The following CHLSN variants were observed in gnomAD, a reference collection of about 807,000 sequenced individuals.
The protein encoded by CHLSN is protein cholesin.
At chr7:1,132,694 T>TAAAAAAAA in the CHLSN span, among the ~76,000 whole-genome samples, 1 of 107,002 alleles carries the variant, frequency 9.3e-6, no homozygotes, top group African/African-American at 3.9e-5. Flanking sequence ...AACCTGTCTT[T>TAAAAAAAA]AAAAAAAAAA....
the CHLSN span, among the ~76,000 whole-genome samples, chr7:1,037,542 C>T: frequency 9.6e-5 from 14 of 145,470 alleles, no homozygotes; most frequent in Admixed American, 9.6e-4. Context: ...CTCGTTCACT[C>T]AGTGCTCAAT....
the CHLSN span, among the ~76,000 whole-genome samples, chr7:1,019,211 ACGGG>A: frequency 6.9e-5 from 3 of 43,706 alleles, no homozygotes; most frequent in South Asian, 1.3e-3. Context: ...AAAAAAAAAA[ACGGG>A]GGGGGGGGAG....
the CHLSN span, among the ~76,000 whole-genome samples, chr7:1,015,590 C>G: frequency 4.6e-5 from 7 of 152,314 alleles, no homozygotes; most frequent in Admixed American, 2.6e-4. Context: ...AGTGGGGAGA[C>G]CCAGGGCTGA....
chr7:1,026,955 C>T, the CHLSN span: 1 of 152,236 alleles, frequency 6.6e-6, no homozygotes, highest in African/African-American at 2.4e-5. Context: ...ACTATGTTCT[C>T]ATCTCAGAGG....
the CHLSN span, chr7:1,043,944 C>T: frequency 6.6e-6 from 1 of 152,374 alleles, no homozygotes; most frequent in South Asian, 2.1e-4. Context: ...ACTGTTTCAC[C>T]TCAAAAATTA....
At chr7:1,084,898 C>T in the CHLSN span, among the ~76,000 whole-genome samples, 3 of 152,224 alleles carry the variant, frequency 2.0e-5, no homozygotes, top group Admixed American at 2.0e-4. Context: ...CTGCTGCCTA[C>T]CATGGAGGGC....
the CHLSN span, among the ~76,000 whole-genome samples, chr7:1,016,337 A>G: frequency 2.3e-3 from 151 of 66,902 alleles, 40 homozygotes; most frequent in Middle Eastern, 0.024. Context: ...GCACAGCAGC[A>G]CACAGCAGCG....
chr7:1,110,223 A>G, the CHLSN span, among the ~76,000 whole-genome samples: 9 of 152,202 alleles, frequency 5.9e-5, no homozygotes, highest in Non-Finnish European at 1.5e-5. Context: ...GCTTCCCGCC[A>G]GAATACCTCG....
chr7:1,087,043 G>A, the CHLSN span: 2 of 152,242 alleles, frequency 1.3e-5, no homozygotes, highest in Admixed American at 1.3e-4. Flanking sequence ...GGCGGCCATC[G>A]GTTCCCGAAG....
the CHLSN span, among the ~76,000 whole-genome samples, chr7:1,019,980 C>T: frequency 5.1e-4 from 77 of 152,350 alleles, no homozygotes; most frequent in African/African-American, 1.8e-3. Flanking sequence ...CAGCTTAGGA[C>T]GCTCGGCTCT....
At chr7:1,132,847 G>A in the CHLSN span, among the ~76,000 whole-genome samples, 1 of 152,068 alleles carries the variant, frequency 6.6e-6, no homozygotes, top group Admixed American at 6.6e-5. Context: ...AAATGGGGAA[G>A]GGATCTGAAG....
At chr7:1,047,206 C>T in the CHLSN span, among the ~76,000 whole-genome samples, 6 of 152,230 alleles carry the variant, frequency 3.9e-5, no homozygotes, top group Non-Finnish European at 8.8e-5. Context: ...GCACAGGTGC[C>T]CAGCCCGCTC....
chr7:1,136,067 A>AGTAT, the CHLSN span, among the ~76,000 whole-genome samples: 1 of 109,172 alleles, frequency 9.2e-6, no homozygotes, highest in African/African-American at 4.6e-5. Context: ...AATATATATA[A>AGTAT]ATATAAGTAT....
the CHLSN span, among the ~76,000 whole-genome samples, chr7:1,075,099 C>T: frequency 2.2e-4 from 33 of 152,162 alleles, no homozygotes; most frequent in Non-Finnish European, 3.8e-4. Flanking sequence ...GCAGCCTTGC[C>T]GCCACCTCCA....
the CHLSN span, chr7:986,977 C>T: frequency 1.7e-4 from 234 of 1,358,572 alleles, 1 homozygote; most frequent in African/African-American, 1.0e-4. Context: ...GTGCCTGCCT[C>T]GGGGACGCTG....
the CHLSN span, among the ~76,000 whole-genome samples, chr7:1,096,185 C>T: frequency 3.9e-5 from 6 of 152,232 alleles, no homozygotes; most frequent in African/African-American, 1.4e-4. This position sits in a 1 kb window ranked among gnomAD's most constrained non-coding sequence, Gnocchi z 4.6. Flanking sequence ...TACGCCGCTC[C>T]TCTCCGCCAG....
chr7:1,107,800 T>G, the CHLSN span, among the ~76,000 whole-genome samples: 511 of 68,070 alleles, frequency 7.5e-3, no homozygotes, highest in Middle Eastern at 0.024. Context: ...CCTGCACCCC[T>G]GGAGGAAGCA....
the CHLSN span, among the ~76,000 whole-genome samples, chr7:978,536 C>G: frequency 6.6e-6 from 1 of 152,172 alleles, no homozygotes; most frequent in African/African-American, 2.4e-5. Context: ...AAAGGAAAAG[C>G]TCAGAGGAGG....
chr7:1,052,258 C>T, the CHLSN span, among the ~76,000 whole-genome samples: 1 of 152,226 alleles, frequency 6.6e-6, no homozygotes, highest in African/African-American at 2.4e-5. This position sits in a 1 kb window ranked among gnomAD's most constrained non-coding sequence, Gnocchi z 4.2. Flanking sequence ...GCGTGCCCTC[C>T]TGAGAGGCAA....
Sources: gnomAD v4.1 joint callset for allele counts (sites outside exome capture counted in the v4.1 genomes callset) on GRCh38, gnomAD v4.1.1 for gene constraint, Gnocchi (gnomAD v3.1) non-coding constraint, MANE v1.5 for transcripts, NCBI Gene and HGNC (gene_info 2026-07-23, HGNC 2026-07-21) for gene names.